The following TTC6 variants were observed in gnomAD, a reference collection of about 807,000 sequenced individuals.
The protein encoded by TTC6 is tetratricopeptide repeat protein 6.
TTC6 carries 172 observed loss-of-function variants against 210.4 expected under a neutral mutation model. That is an observed-to-expected ratio of 0.82 (90% CI 0.72 to 0.93). The LOEUF (loss-of-function observed/expected upper bound fraction) is 0.93, where lower values mean the gene tolerates loss of function less well. TTC6 is among the 40% of genes least tolerant of loss of function. The pLI is 0.00. For missense variants in TTC6, 2,414 were observed against 2,318.1 expected (o/e 1.04, Z -0.85); for synonymous variants, 804 against 819.6 (o/e 0.98, Z 0.32).
chr14:37,674,655 C>T (rs1274026423), intron 1 of TTC6, among the ~76,000 whole-genome samples: 1 of 152,098 alleles, frequency 6.6e-6, no homozygotes, highest in African/African-American at 2.4e-5. Flanking sequence ...ATCATTCCAC[C>T]TTCCATGTGA....
exon 1 of TTC6, chr14:37,622,280 G>A (rs2095652404): frequency 3.9e-6 from 6 of 1,535,024 alleles, no homozygotes; most frequent in Non-Finnish European, 4.4e-6. Flanking sequence ...CAGCCCGGAC[G>A]TCGAGAAGAT....
chr14:37,738,001 A>G (rs931379546), intron 9 of TTC6, among the ~76,000 whole-genome samples: 9 of 152,054 alleles, frequency 5.9e-5, no homozygotes, highest in Middle Eastern at 6.8e-3. Flanking sequence ...AAAATTGACT[A>G]TAAAGAACTA....
chr14:37,630,907 G>GTTTTTTTTTTTGTTTTTTTTTT (rs2095668331), intron 1 of TTC6, among the ~76,000 whole-genome samples: 2 of 33,070 alleles, frequency 6.0e-5, no homozygotes, highest in Middle Eastern at 0.021. Context: ...GGCAACCCCT[G>GTTTTTTTTTTTGTTTTTTTTTT]TTTTTTTTTT....
intron 5 of TTC6, among the ~76,000 whole-genome samples, chr14:37,709,692 TAAAAAA>T (rs10585657): frequency 1.6e-5 from 2 of 126,432 alleles, no homozygotes; most frequent in Admixed American, 8.2e-5. Flanking sequence ...TCATGTTTTG[TAAAAAA>T]AAAAAAAAAA....
chr14:37,826,552 T>G (rs2096172237), intron 28 of TTC6, among the ~76,000 whole-genome samples: 1 of 152,076 alleles, frequency 6.6e-6, no homozygotes, highest in African/African-American at 2.4e-5. Flanking sequence ...ACCCCAAAGT[T>G]CTGATAAATG....
intron 21 of TTC6, among the ~76,000 whole-genome samples, chr14:37,805,338 G>T (rs1234304880): frequency 6.6e-6 from 1 of 151,674 alleles, no homozygotes; most frequent in Non-Finnish European, 1.5e-5. Flanking sequence ...CTTCAGACTT[G>T]TCACTGATAT....
At chr14:37,716,391 A>C (rs2095852795) in intron 6 of TTC6, among the ~76,000 whole-genome samples, 1 of 152,086 alleles carries the variant, frequency 6.6e-6, no homozygotes, top group South Asian at 2.1e-4. Context: ...TAAATGACGG[A>C]GTGGTAAAAT....
chr14:37,745,934 A>G lies in TTC6; in HGVS notation c.2364-3005A>G, dbSNP rs536337822. On this transcript the variant is annotated intron_variant, in intron 10 of 30. Transcript: ENST00000553443. The stretch of plus-strand genomic sequence containing the variant: ...GCTGGGTAAAAGATTGTGAACCTCC[A>G]CTATAGCTGGTTAGGTTTGTACCAG... 7.9e-5 allele frequency among the ~76,000 whole-genome samples: 12 copies of G among 152,242 alleles called. No individual in the cohort carries two copies. The South Asian group carries it at 1.5e-3, about 18-fold the overall frequency.
At position 37,820,953 on chromosome 14, in the gene TTC6, CCTT is replaced by C. The variant is rs2096154768; in HGVS notation, c.4764-2791_4764-2789del. 2.2e-5 allele frequency among the ~76,000 whole-genome samples: 3 copies of C among 138,554 alleles called. No individual in the cohort carries two copies. In the South Asian group the frequency reaches 6.3e-4, roughly 29 times the overall value. The allele number at this position is 138,554 out of a possible 152,430, so 90.9% of individuals were successfully genotyped here. A position where few individuals can be genotyped will look rare whatever the true frequency, so the allele number is the denominator to read the frequency against. ...TTCTCCTCCTCCTTCTTCTCCTCCT[CCTT>C]CTCCTCCTCCTCCTCTTCTTCCTCT... On this transcript the variant is annotated intron_variant, in intron 26 of 30. Transcript: ENST00000553443.
At chr14:37,650,399 T>C (rs1237094884) in intron 1 of TTC6, among the ~76,000 whole-genome samples, 1 of 152,240 alleles carries the variant, frequency 6.6e-6, no homozygotes, top group Non-Finnish European at 1.5e-5. Flanking sequence ...CAGTCAGTAT[T>C]TCAGTTTGCT....
intron 1 of TTC6, among the ~76,000 whole-genome samples, chr14:37,603,007 C>G (rs1021965590): frequency 6.6e-6 from 1 of 152,134 alleles, no homozygotes; most frequent in African/African-American, 2.4e-5. Context: ...AAATAAAGCC[C>G]AGTGCTGGGG....
chr14:37,650,460 G>T (rs1283210152), intron 1 of TTC6, among the ~76,000 whole-genome samples: 1 of 151,846 alleles, frequency 6.6e-6, no homozygotes, highest in African/African-American at 2.4e-5. Flanking sequence ...ATTCTATTCT[G>T]CCCTAGGCTT....
At chr14:37,678,815 T>A (rs2095776244) in intron 1 of TTC6, among the ~76,000 whole-genome samples, 1 of 152,178 alleles carries the variant, frequency 6.6e-6, no homozygotes, top group South Asian at 2.1e-4. Context: ...CTGAATTAGA[T>A]CCTTTTAATA....
At chr14:37,696,232 T>C (rs2076985860) in intron 3 of TTC6, among the ~76,000 whole-genome samples, 1 of 152,274 alleles carries the variant, frequency 6.6e-6, no homozygotes, top group South Asian at 2.1e-4. Flanking sequence ...TTAAATCTAA[T>C]CTCAAAAAAA....
At chr14:37,640,542 TTTTG>T (rs972118656) in intron 1 of TTC6, among the ~76,000 whole-genome samples, 5 of 152,154 alleles carry the variant, frequency 3.3e-5, no homozygotes, top group Non-Finnish European at 7.4e-5. Flanking sequence ...TAGAGGTTTT[TTTTG>T]TTTGTTTTGT....
intron 27 of TTC6, 131 bp downstream of exon 29, chr14:37,824,088 T>C (rs1309398266): frequency 1.1e-6 from 1 of 892,084 alleles, no homozygotes; most frequent in Admixed American, 2.6e-5. Flanking sequence ...ACTTTTAGGT[T>C]CCAGAGTAGC....
intron 14 of TTC6, among the ~76,000 whole-genome samples, chr14:37,771,147 C>G (rs1319313228): frequency 6.6e-6 from 1 of 152,102 alleles, no homozygotes; most frequent in East Asian, 1.9e-4. Flanking sequence ...TCTCTTCTGG[C>G]TTATAGGGTT....
intron 29 of TTC6, among the ~76,000 whole-genome samples, chr14:37,839,167 T>C (rs938266839): frequency 3.9e-5 from 6 of 152,200 alleles, no homozygotes; most frequent in African/African-American, 1.2e-4. Context: ...TACCCAGTAA[T>C]GGGATTGCTG....
intron 12 of TTC6, 88 bp from the exon 15 acceptor site, chr14:37,750,965 A>C (rs1346228343): frequency 2.7e-6 from 2 of 734,144 alleles, no homozygotes; most frequent in Non-Finnish European, 4.1e-6. Flanking sequence ...TTTTGACTAC[A>C]TTTGTGGAGG....
Sources: gnomAD v4.1 joint callset for allele counts (sites outside exome capture counted in the v4.1 genomes callset) on GRCh38, gnomAD v4.1.1 for gene constraint, MANE v1.5 for transcripts, NCBI Gene and HGNC (gene_info 2026-07-23, HGNC 2026-07-21) for gene names.